ADAMTS19: variants seen among roughly 807,000 people sequenced by gnomAD.
ADAMTS19 encodes ADAM metallopeptidase with thrombospondin type 1 motif 19, also known as A disintegrin and metalloproteinase with thrombospondin motifs 19.
Under a neutral mutation model 153.3 loss-of-function variants are expected in ADAMTS19, and 93 were observed. That is an observed-to-expected ratio of 0.61 (90% confidence interval 0.51 to 0.72). ADAMTS19 has a LOEUF of 0.72. Ranked by LOEUF, ADAMTS19 falls within the 30% of genes least tolerant of loss-of-function variation. The pLI, the probability that ADAMTS19 is intolerant of heterozygous loss-of-function variation, is 0.00. For synonymous variants in ADAMTS19, 600 were observed against 556.6 expected (o/e 1.08, Z -1.10); for missense variants, 1,482 against 1,552.1 (o/e 0.95, Z 0.76).
At chr5:129,623,434 G>A (rs17165208) in intron 10 of ADAMTS19, among the ~76,000 whole-genome samples, 3,725 of 152,088 alleles carry the variant, frequency 0.024, 128 homozygotes, top group African/African-American at 0.079. Flanking sequence ...AGAGTAAATT[G>A]GTTAAGTATC....
intron 3 of ADAMTS19, among the ~76,000 whole-genome samples, chr5:129,524,084 A>G: frequency 6.6e-6 from 1 of 152,172 alleles, no homozygotes; most frequent in Non-Finnish European, 1.5e-5. Context: ...AGTAACCAAA[A>G]TAGCATGGTA....
intron 15 of ADAMTS19, among the ~76,000 whole-genome samples, chr5:129,660,952 C>T (rs959909253): frequency 6.6e-6 from 1 of 152,140 alleles, no homozygotes; most frequent in African/African-American, 2.4e-5. Context: ...GACCATACCC[C>T]CACTGCCACC....
chr5:129,660,656 AT>A (rs1465605330), intron 15 of ADAMTS19, among the ~76,000 whole-genome samples: 1 of 152,104 alleles, frequency 6.6e-6, no homozygotes, highest in Non-Finnish European at 1.5e-5. Context: ...TCTATTTCAA[AT>A]CCCTTTTTTA....
intron 7 of ADAMTS19, among the ~76,000 whole-genome samples, chr5:129,568,491 C>A (rs1753791437): frequency 6.6e-6 from 1 of 151,924 alleles, no homozygotes; most frequent in Non-Finnish European, 1.5e-5. Context: ...TGGGAAGCAA[C>A]CACTAAAAAT....
intron 10 of ADAMTS19, among the ~76,000 whole-genome samples, chr5:129,637,769 C>T (rs1236948677): frequency 1.3e-5 from 2 of 152,040 alleles, no homozygotes; most frequent in South Asian, 2.1e-4. Context: ...CGCTTGAACC[C>T]GGGAGGTGAA....
At chr5:129,508,805 A>G (rs1004020465) in intron 2 of ADAMTS19, among the ~76,000 whole-genome samples, 2 of 151,958 alleles carry the variant, frequency 1.3e-5, no homozygotes, top group Admixed American at 1.3e-4. Flanking sequence ...TAACATTCCA[A>G]AATTTTTACT....
chr5:129,640,472 T>C (rs1752742431), intron 10 of ADAMTS19, among the ~76,000 whole-genome samples: 1 of 152,226 alleles, frequency 6.6e-6, no homozygotes, highest in Non-Finnish European at 1.5e-5. Flanking sequence ...TTGACTTTAA[T>C]TTTGCTGTGA....
chr5:129,488,169 G>C (rs541970366), intron 2 of ADAMTS19, among the ~76,000 whole-genome samples: 2 of 152,048 alleles, frequency 1.3e-5, no homozygotes, highest in African/African-American at 4.8e-5. Flanking sequence ...CAGAGATAAA[G>C]TACTTGTGCA....
intron 2 of ADAMTS19, among the ~76,000 whole-genome samples, chr5:129,483,177 G>GGATTATTTATT (rs1202132708): frequency 6.6e-6 from 1 of 152,074 alleles, no homozygotes; most frequent in Admixed American, 6.6e-5. Context: ...TCCATCATAT[G>GGATTATTTATT]AGAACACAAT....
In ADAMTS19 at chr5:129,671,003, A is replaced by T. The variant is rs148965710; in HGVS notation, c.2506+5424A>T. Among the ~76,000 whole-genome samples the T allele has an allele frequency of 5.2e-4, 79 of 152,336 alleles. 1 individual carries two copies. Among genetic ancestry groups the T allele is most frequent in the Non-Finnish European group, 4.6e-4 (31 of 68,026 alleles). On this transcript the variant is annotated intron_variant, in intron 16 of 22. Coordinates refer to ENST00000274487, the MANE Select transcript of ADAMTS19 (RefSeq NM_133638.6). ...TTACTTGTAGAAAGAAACACCATCT[A>T]TGCCCCTAAACAGACTGAATGCTGC...
chr5:129,508,281 A>G (rs558537342), intron 2 of ADAMTS19, among the ~76,000 whole-genome samples: 1 of 152,090 alleles, frequency 6.6e-6, no homozygotes, highest in East Asian at 1.9e-4. Flanking sequence ...AGAGTTAAAT[A>G]CTAAAAATGG....
In ADAMTS19 at chr5:129,620,739, G is replaced by A; in HGVS notation, c.1600G>A (p.Asp534Asn). 6.2e-7 allele frequency: 1 copy of A among 1,612,514 alleles called. No homozygotes were observed. Among genetic ancestry groups the A allele is most frequent in the Non-Finnish European group, 8.5e-7 (1 of 1,179,060 alleles). Residue 534 changes from aspartate (D) to asparagine (N), a missense_variant, in exon 9 of 23, where the codon GAT becomes AAT. By Grantham distance (23) the Asp-to-Asn change is conservative. Transcript: ENST00000274487. ...DVSWSRCSKE[D>N]LERFLRSKAS... ...TTCATGGTCTCGATGTAGCAAGGAA[G>A]ATTTGGAAAGATTTCTCAGGTATGG...
chr5:129,521,636 A>G (rs1751803434), intron 3 of ADAMTS19, among the ~76,000 whole-genome samples: 1 of 152,172 alleles, frequency 6.6e-6, no homozygotes, highest in African/African-American at 2.4e-5. Flanking sequence ...TAAGCTCTCT[A>G]TACTTCGTCT....
chr5:129,510,555 C>G (rs1027530034), intron 3 of ADAMTS19, among the ~76,000 whole-genome samples: 4 of 151,504 alleles, frequency 2.6e-5, no homozygotes, highest in Non-Finnish European at 5.9e-5. Flanking sequence ...TGTAGCATTA[C>G]GAACAAGCAA....
At chr5:129,735,784 A>G (rs974644283) in intron 22 of ADAMTS19, among the ~76,000 whole-genome samples, 1 of 152,066 alleles carries the variant, frequency 6.6e-6, no homozygotes, top group African/African-American at 2.4e-5. Flanking sequence ...CTACACTTGC[A>G]TAACAAATAC....
intron 2 of ADAMTS19, among the ~76,000 whole-genome samples, chr5:129,475,620 G>A (rs1042912337): frequency 6.6e-6 from 1 of 152,146 alleles, no homozygotes; most frequent in African/African-American, 2.4e-5. Context: ...ATCACTTGGG[G>A]TCAGGAGTTT....
intron 10 of ADAMTS19, among the ~76,000 whole-genome samples, chr5:129,635,360 G>C (rs1752489309): frequency 6.6e-6 from 1 of 152,118 alleles, no homozygotes; most frequent in African/African-American, 2.4e-5. Context: ...ATTCCTCAAA[G>C]AGCTAAAAAC....
intron 21 of ADAMTS19, among the ~76,000 whole-genome samples, chr5:129,726,920 C>G (rs1467595125): frequency 6.6e-6 from 1 of 152,046 alleles, no homozygotes; most frequent in Non-Finnish European, 1.5e-5. Flanking sequence ...CTTACCCTCT[C>G]CCCCATTAAG....
chr5:129,604,379 T>C (rs2126937057), intron 8 of ADAMTS19, among the ~76,000 whole-genome samples: 1 of 152,184 alleles, frequency 6.6e-6, no homozygotes, highest in East Asian at 1.9e-4. Flanking sequence ...TCAATAGTCA[T>C]GTTCTAAAGA....
Sources: allele counts gnomAD v4.1 joint callset (sites outside exome capture counted in the v4.1 genomes callset), GRCh38; gene constraint gnomAD v4.1.1; transcripts MANE v1.5; gene names NCBI Gene and HGNC (gene_info 2026-07-23, HGNC 2026-07-21).